The following EPB41L2 variants were observed in gnomAD, a reference collection of about 807,000 sequenced individuals.
EPB41L2 encodes the protein band 4.1-like protein 2.
EPB41L2 carries 43 observed loss-of-function variants against 113.0 expected under a neutral mutation model. The observed-to-expected ratio is 0.38, with a 90% CI of 0.30 to 0.49. The LOEUF (loss-of-function observed/expected upper bound fraction) is 0.49, where lower values mean the gene tolerates loss of function less well. Ranked by LOEUF, EPB41L2 falls within the 20% of genes least tolerant of loss-of-function variation. EPB41L2 has a pLI of 0.95. For synonymous variants in EPB41L2, 442 were observed against 436.7 expected (o/e 1.01, Z -0.15); for missense variants, 1,147 against 1,223.4 (o/e 0.94, Z 0.93).
Position 130,998,293 on chromosome 6 carries a change from G to A in EPB41L2, c.-14-41794C>T, listed in dbSNP as rs116947703. On this transcript the variant is annotated intron_variant, in intron 1 of 19. Coordinates refer to ENST00000337057, the MANE Select transcript of EPB41L2 (RefSeq NM_001431.4). Reference sequence around the variant, plus strand: ...ATCAAATAATTTTCACATGGATTAAGGACAAATTCTTTTCAAAAATGGGAC... The same window carrying A: ...ATCAAATAATTTTCACATGGATTAAAGACAAATTCTTTTCAAAAATGGGAC... Among the ~76,000 whole-genome samples the A allele has an allele frequency of 5.4e-3, 828 of 152,258 alleles. 3 individuals are homozygous for A. Among genetic ancestry groups the A allele is most frequent in the Non-Finnish European group, 8.3e-3 (562 of 68,016 alleles).
At chr6:130,841,653 A>C (rs1191874112) in intron 19 of EPB41L2, among the ~76,000 whole-genome samples, 1 of 152,210 alleles carries the variant, frequency 6.6e-6, no homozygotes, top group Non-Finnish European at 1.5e-5. Context: ...AGGCACCACT[A>C]AGGAGAATAA....
intron 3 of EPB41L2, among the ~76,000 whole-genome samples, chr6:130,951,312 CTTTTTTTTTTTTTTT>C (rs34082234): frequency 7.9e-5 from 4 of 50,818 alleles, no homozygotes; most frequent in Non-Finnish European, 9.3e-5. Flanking sequence ...AGCCTCAGTA[CTTTTTTTTTTTTTTT>C]TTTTTTTTTT....
chr6:130,876,877 A>C, intron 14 of EPB41L2: 1 of 500,036 alleles, frequency 2.0e-6, no homozygotes. Flanking sequence ...TCAATGACAC[A>C]CACCAGGAGA....
chr6:130,978,849 C>T (rs974333104), intron 1 of EPB41L2: 1 of 152,178 alleles, frequency 6.6e-6, no homozygotes, highest in Non-Finnish European at 1.5e-5. Flanking sequence ...AAGAATGCTT[C>T]CCGAGGTGAC....
At chr6:130,976,382 C>CGTCACCTG (rs1778211123) in intron 1 of EPB41L2, among the ~76,000 whole-genome samples, 2 of 152,188 alleles carry the variant, frequency 1.3e-5, no homozygotes, top group Admixed American at 1.3e-4. Flanking sequence ...ACTGCACATG[C>CGTCACCTG]GTCACCTGCA....
intron 4 of EPB41L2, among the ~76,000 whole-genome samples, chr6:130,913,099 G>C (rs1160623728): frequency 6.6e-6 from 1 of 152,122 alleles, no homozygotes; most frequent in Admixed American, 6.5e-5. Context: ...CCAGCCACCT[G>C]GCACCTTCTA....
At chr6:130,874,492 TC>T in intron 14 of EPB41L2, among the ~76,000 whole-genome samples, 1 of 152,150 alleles carries the variant, frequency 6.6e-6, no homozygotes, top group South Asian at 2.1e-4. Flanking sequence ...GTCAAAACAC[TC>T]CCGTAGACAA....
At chr6:130,989,382 C>T (rs1415343986) in intron 1 of EPB41L2, among the ~76,000 whole-genome samples, 2 of 152,162 alleles carry the variant, frequency 1.3e-5, no homozygotes, top group Non-Finnish European at 2.9e-5. Flanking sequence ...GTCACAGCCT[C>T]TGCTCTCTCT....
At chr6:130,926,540 TA>T in intron 4 of EPB41L2, 64 bp downstream of exon 4, 2 of 1,180,252 alleles carry the variant, frequency 1.7e-6, no homozygotes, top group African/African-American at 3.1e-5. Context: ...TAAACTGAGA[TA>T]AACTGGTTAA....
At chr6:130,946,460 T>C (rs1583766696) in intron 3 of EPB41L2, among the ~76,000 whole-genome samples, 1 of 152,294 alleles carries the variant, frequency 6.6e-6, no homozygotes, top group South Asian at 2.1e-4. Context: ...ATGCCCTCTT[T>C]CCTTAAAAGA....
intron 19 of EPB41L2, among the ~76,000 whole-genome samples, chr6:130,848,199 T>A (rs9388859): frequency 0.03 from 3,436 of 113,414 alleles, 177 homozygotes; most frequent in East Asian, 0.25. Flanking sequence ...TCTCTCTCTC[T>A]CACACACACA....
At chr6:130,981,887 G>A (rs1779454956) in intron 1 of EPB41L2, among the ~76,000 whole-genome samples, 1 of 151,908 alleles carries the variant, frequency 6.6e-6, no homozygotes, top group Non-Finnish European at 1.5e-5. Flanking sequence ...CCAAAATTAT[G>A]CTAAAATATA....
chr6:130,933,183 C>T (rs1286095580), intron 3 of EPB41L2, among the ~76,000 whole-genome samples: 1 of 152,190 alleles, frequency 6.6e-6, no homozygotes, highest in Non-Finnish European at 1.5e-5. Context: ...TAAGACATCA[C>T]TTTCGCTGTC....
At chr6:130,959,239 AT>A in intron 1 of EPB41L2, among the ~76,000 whole-genome samples, 1 of 152,172 alleles carries the variant, frequency 6.6e-6, no homozygotes, top group Non-Finnish European at 1.5e-5. Context: ...GACACATATA[AT>A]TCAATTTTGA....
chr6:131,046,201 C>G lies in EPB41L2; in HGVS notation c.-15+16954G>C, dbSNP rs946513999. On this transcript the variant is annotated intron_variant, in intron 1 of 19. Transcript: ENST00000337057. ...TCCCAAAGTGCTAGGATTACAGATA[C>G]GAGCCACTATGCCCTGGCTCTTTCC... 2.0e-5 allele frequency among the ~76,000 whole-genome samples: 3 copies of G among 150,856 alleles called. No individual in the cohort carries two copies. The Admixed American group carries it at 2.0e-4, about 10-fold the overall frequency.
intron 1 of EPB41L2, among the ~76,000 whole-genome samples, chr6:131,061,803 GA>G (rs1317931758): frequency 3.3e-5 from 5 of 151,184 alleles, no homozygotes; most frequent in Non-Finnish European, 5.9e-5. Context: ...GTATTCCGTT[GA>G]AAAAAACAAT....
intron 1 of EPB41L2, among the ~76,000 whole-genome samples, chr6:130,973,165 ACTTCT>A (rs1777333636): frequency 5.5e-5 from 8 of 146,056 alleles, no homozygotes; most frequent in Admixed American, 4.8e-4. Flanking sequence ...GGAAGTCTTC[ACTTCT>A]CTTCTTCACT....
intron 1 of EPB41L2, among the ~76,000 whole-genome samples, chr6:131,019,181 C>G (rs1238264939): frequency 6.6e-6 from 1 of 152,168 alleles, no homozygotes; most frequent in Non-Finnish European, 1.5e-5. Context: ...CCTTCTTTCA[C>G]ATCCTTCAAT....
rs756291829 is a variant in EPB41L2 at position 130,869,571 on chromosome 6, A to T, written c.2599T>A (p.Cys867Ser). Residue 867 changes from cysteine (C) to serine (S), a missense_variant, in exon 15 of 20, where the codon TGT (cysteine) becomes AGT (serine). Coordinates refer to ENST00000337057, the MANE Select transcript of EPB41L2 (RefSeq NM_001431.4). ...DIDVLPQIIC[C>S]SEPPVVKTEM... Reference sequence around the variant, plus strand: ...CTGGGACTCCCATTTACCTCTGAACAACAAATAATTTGTGGCAAAACATCA... The same window carrying T: ...CTGGGACTCCCATTTACCTCTGAACTACAAATAATTTGTGGCAAAACATCA... 1.2e-6 allele frequency: 2 copies of T among 1,613,934 alleles called. No homozygotes were observed. Among genetic ancestry groups the T allele is most frequent in the Non-Finnish European group, 1.7e-6 (2 of 1,179,880 alleles).
Sources: gnomAD v4.1 joint callset for allele counts (sites outside exome capture counted in the v4.1 genomes callset) on GRCh38, gnomAD v4.1.1 for gene constraint, MANE v1.5 for transcripts, NCBI Gene and HGNC (gene_info 2026-07-23, HGNC 2026-07-21) for gene names.